LRRC4C: variants seen among roughly 807,000 people sequenced by gnomAD.
The protein encoded by LRRC4C is leucine rich repeat containing 4C, also known as leucine-rich repeat-containing protein 4C.
A neutral mutation model predicts 33.6 loss-of-function variants in LRRC4C; 5 were observed. That is an observed-to-expected ratio of 0.15 (90% CI 0.08 to 0.31). The LOEUF (loss-of-function observed/expected upper bound fraction) is 0.31, where lower values mean the gene tolerates loss of function less well. Among genes scored for constraint, LRRC4C ranks in the 10% least tolerant of loss-of-function variants. The pLI, the probability that LRRC4C is intolerant of heterozygous loss-of-function variation, is 1.00. For missense variants in LRRC4C, 560 were observed against 796.7 expected (o/e 0.70, Z 3.58); for synonymous variants, 329 against 302.0 (o/e 1.09, Z -0.93).
intron 1 of LRRC4C, among the ~76,000 whole-genome samples, chr11:41,256,352 C>A (rs575459819): frequency 1.3e-5 from 2 of 152,126 alleles, no homozygotes; most frequent in East Asian, 3.9e-4. Flanking sequence ...CTCTCCTGAA[C>A]CTTATCCAAA....
intron 1 of LRRC4C, among the ~76,000 whole-genome samples, chr11:41,443,695 A>G (rs1955728393): frequency 6.6e-6 from 1 of 150,532 alleles, no homozygotes; most frequent in Non-Finnish European, 1.5e-5. Context: ...AGCTCACTGC[A>G]ACATCCGCCT....
chr11:40,896,195 C>T (rs750491138), intron 2 of LRRC4C, among the ~76,000 whole-genome samples: 7 of 152,146 alleles, frequency 4.6e-5, no homozygotes, highest in Admixed American at 6.5e-5. Context: ...CTTTAAAGTT[C>T]GCTCCAGCTC....
At chr11:40,791,150 T>C (rs984022571) in intron 2 of LRRC4C, among the ~76,000 whole-genome samples, 4 of 152,210 alleles carry the variant, frequency 2.6e-5, no homozygotes, top group South Asian at 4.1e-4. Context: ...AATTTGCTCA[T>C]TCCTTGCTCA....
chr11:40,344,868 C>T (rs935461016), intron 3 of LRRC4C, among the ~76,000 whole-genome samples: 1 of 152,098 alleles, frequency 6.6e-6, no homozygotes, highest in Non-Finnish European at 1.5e-5. Context: ...AACATCCAAG[C>T]TGAGAGCCAA....
intron 3 of LRRC4C, among the ~76,000 whole-genome samples, chr11:40,495,249 G>A (rs1345903264): frequency 6.6e-6 from 1 of 152,128 alleles, no homozygotes; most frequent in Non-Finnish European, 1.5e-5. Flanking sequence ...GCGAAGCGAG[G>A]AGGTTCAAAA....
At chr11:41,129,919 A>G (rs1005775912) in intron 1 of LRRC4C, among the ~76,000 whole-genome samples, 27 of 151,960 alleles carry the variant, frequency 1.8e-4, no homozygotes, top group African/African-American at 6.5e-4. Flanking sequence ...CTGTAACTGT[A>G]TATGATTACA....
chr11:40,129,254 G>A (rs1244812200), intron 6 of LRRC4C, among the ~76,000 whole-genome samples: 1 of 152,010 alleles, frequency 6.6e-6, no homozygotes, highest in Non-Finnish European at 1.5e-5. Flanking sequence ...ATTGATTTTT[G>A]GAATAATGTT....
At chr11:40,868,553 C>T (rs1165531553) in intron 2 of LRRC4C, among the ~76,000 whole-genome samples, 1 of 152,090 alleles carries the variant, frequency 6.6e-6, no homozygotes, top group African/African-American at 2.4e-5. Flanking sequence ...CAAAACAGTA[C>T]TCTAGATGAG....
At chr11:41,018,748 T>G (rs1232332990) in intron 1 of LRRC4C, among the ~76,000 whole-genome samples, 1 of 152,100 alleles carries the variant, frequency 6.6e-6, no homozygotes, top group East Asian at 1.9e-4. Flanking sequence ...GCTGACAGAT[T>G]AATACCAGAT....
chr11:40,276,240 G>T (rs1943092370), intron 4 of LRRC4C, among the ~76,000 whole-genome samples: 1 of 152,138 alleles, frequency 6.6e-6, no homozygotes, highest in South Asian at 2.1e-4. Flanking sequence ...GGCCTGATAA[G>T]TGCTAAATGC....
intron 1 of LRRC4C, among the ~76,000 whole-genome samples, chr11:41,146,188 A>T (rs1943720646): frequency 6.6e-6 from 1 of 152,214 alleles, no homozygotes; most frequent in Non-Finnish European, 1.5e-5. Flanking sequence ...TATTCATTAA[A>T]TGAATGAATG....
intron 1 of LRRC4C, among the ~76,000 whole-genome samples, chr11:41,433,326 C>G (rs1005511346): frequency 1.3e-5 from 2 of 152,164 alleles, no homozygotes; most frequent in African/African-American, 4.8e-5. Flanking sequence ...CCCTCTTGAT[C>G]TCTATGCAAT....
chr11:40,306,473 G>A (rs1161140354), intron 4 of LRRC4C, among the ~76,000 whole-genome samples: 1 of 152,154 alleles, frequency 6.6e-6, no homozygotes, highest in Non-Finnish European at 1.5e-5. Context: ...ATTCATTTAT[G>A]TTCCAGGTTC....
intron 2 of LRRC4C, among the ~76,000 whole-genome samples, chr11:40,799,408 A>T (rs192320738): frequency 2.0e-5 from 3 of 152,318 alleles, no homozygotes; most frequent in African/African-American, 7.2e-5. Context: ...TTTTATGTAT[A>T]AAAAAACAAC....
At chr11:40,237,173 A>G (rs1438920679) in intron 5 of LRRC4C, among the ~76,000 whole-genome samples, 1 of 152,232 alleles carries the variant, frequency 6.6e-6, no homozygotes, top group African/African-American at 2.4e-5. Flanking sequence ...TTGCCACCAT[A>G]AAGCAGCCCA....
Position 40,938,199 on chromosome 11 carries a change from G to A in LRRC4C, c.-495-4476C>T, listed in dbSNP as rs114492861. On this transcript the variant is annotated intron_variant, in intron 1 of 6. Coordinates refer to ENST00000528697, the MANE Select transcript of LRRC4C (RefSeq NM_001258419.2). ...ACAGGCGCAGGTCTCCTCCAGTTCT[G>A]ACAGTTCCTTTCCTCCTGATAAACA... Among the ~76,000 whole-genome samples the A allele has an allele frequency of 1.6e-3, 250 of 152,218 alleles. 2 individuals are homozygous for A. Among genetic ancestry groups the A allele is most frequent in the African/African-American group, 5.8e-3 (242 of 41,542 alleles).
intron 5 of LRRC4C, among the ~76,000 whole-genome samples, chr11:40,177,782 G>T (rs1590626607): frequency 6.6e-6 from 1 of 151,860 alleles, no homozygotes; most frequent in Admixed American, 6.6e-5. Context: ...GCATTTTCTG[G>T]TTATTGCTTC....
chr11:41,389,655 C>CAAAAAAAAAAAAAAAAAAAAAAAA (rs1217445635), intron 1 of LRRC4C, among the ~76,000 whole-genome samples: 1 of 25,892 alleles, frequency 3.9e-5, no homozygotes, highest in African/African-American at 1.2e-4. Context: ...AAAAAAAAAT[C>CAAAAAAAAAAAAAAAAAAAAAAAA]ACAAAAGAAA....
chr11:41,430,707 A>G (rs953944613), intron 1 of LRRC4C, among the ~76,000 whole-genome samples: 3 of 152,174 alleles, frequency 2.0e-5, no homozygotes, highest in Non-Finnish European at 4.4e-5. Context: ...AAATAACTAT[A>G]AAGAATATCA....
Sources: gnomAD v4.1 joint callset for allele counts (sites outside exome capture counted in the v4.1 genomes callset) on GRCh38, gnomAD v4.1.1 for gene constraint, MANE v1.5 for transcripts, NCBI Gene and HGNC (gene_info 2026-07-23, HGNC 2026-07-21) for gene names.